The following MRM2 variants were observed in gnomAD, a reference collection of about 807,000 sequenced individuals.
MRM2 encodes the protein mitochondrial rRNA methyltransferase 2.
In MRM2, 15 loss-of-function variants were observed where a neutral mutation model predicts 10.9. That is an observed-to-expected ratio of 1.37 (90% confidence interval 0.92 to 2.11). The LOEUF is 2.11. Ranked by LOEUF, MRM2 falls within the 30% of genes most tolerant of loss-of-function variation. The probability of loss-of-function intolerance (pLI) is 0.00; values close to 1 mark genes in which losing one functional copy is unlikely to be tolerated. For missense variants in MRM2, 328 were observed against 321.3 expected (o/e 1.02, Z -0.16); for synonymous variants, 139 against 128.7 (o/e 1.08, Z -0.54).
chr7:2,236,557 C>T (rs1052484421), intron 2 of MRM2, among the ~76,000 whole-genome samples: 2 of 152,146 alleles, frequency 1.3e-5, no homozygotes, highest in African/African-American at 4.8e-5. Context: ...GTAGTCTCAG[C>T]TACTCAGGAG....
Position 2,239,709 on chromosome 7 carries a change from T to A in MRM2, c.9-2A>T, listed in dbSNP as rs1248565413. On this transcript the variant is annotated splice_acceptor_variant, in intron 1 of 2. Coordinates refer to ENST00000242257, the MANE Select transcript of MRM2 (RefSeq NM_013393.3). LOFTEE classifies it high-confidence loss of function. The stretch of plus-strand genomic sequence containing the variant: ...GAAACACACACCAGCTTCAAGTACC[T>A]GGTGGGAGAGAAGAGGAGCAGGCAG... 1 of 1,609,258 alleles carries A rather than the reference T, an allele frequency of 6.2e-7. No homozygotes were observed. The highest frequency in any genetic ancestry group is 1.3e-5 in the African/African-American group (1 of 74,888).
At position 2,235,075 on chromosome 7, in the gene MRM2, A is replaced by G; in HGVS notation, c.*47T>C. 1 of 1,442,714 alleles carries G rather than the reference A, an allele frequency of 6.9e-7. No individual in the cohort carries two copies. The highest frequency in any genetic ancestry group is 9.6e-7 in the Non-Finnish European group (1 of 1,037,138). 89.4% of individuals were successfully genotyped at this position (1,442,714 alleles called of 1,614,324 possible). On this transcript the variant is annotated 3_prime_UTR_variant, in exon 3 of 3. Transcript: ENST00000242257. ...CTTCAGGAGCTCAGGCTACGTTTCT[A>G]GCTTAAAAGGAGCTAATGACCATTA...
intron 2 of MRM2, chr7:2,238,038 G>C (rs144850554): frequency 6.6e-6 from 1 of 152,196 alleles, no homozygotes; most frequent in Non-Finnish European, 1.5e-5. Context: ...CGAGGCAGAT[G>C]TGCAGATCCA....
In MRM2 at chr7:2,234,964, TTAAAAAGAGAGAGA is replaced by T; in HGVS notation, c.*144_*157del. ...ACTTAGTTTTGTCATCTCTTTTTGG[TTAAAAAGAGAGAGA>T]GAGAAAGAGAGAGAGAGACTCCCCA... On this transcript the variant is annotated 3_prime_UTR_variant, in exon 3 of 3. Coordinates refer to ENST00000242257, the MANE Select transcript of MRM2 (RefSeq NM_013393.3). The T allele has an allele frequency of 1.6e-6, 1 of 618,178 alleles. No homozygotes were observed. Among genetic ancestry groups the T allele is most frequent in the South Asian group, 2.0e-5 (1 of 49,006 alleles). 38.3% of individuals were successfully genotyped at this position (618,178 alleles called of 1,614,324 possible). A position where few individuals can be genotyped will look rare whatever the true frequency, so the allele number is the denominator to read the frequency against.
chr7:2,241,924 C>T (rs1584630397), intron 1 of MRM2: 2 of 466,910 alleles, frequency 4.3e-6, no homozygotes, highest in East Asian at 7.3e-5. Context: ...ACCTGGACTC[C>T]GCCGCCGGCC....
chr7:2,235,603 C>G (rs1319211515), intron 2 of MRM2, 39 bp from the exon 3 acceptor site: 1 of 1,394,224 alleles, frequency 7.2e-7, no homozygotes, highest in Non-Finnish European at 9.9e-7. Flanking sequence ...TATTTACACC[C>G]TGAATCTTTT....
chr7:2,240,623 C>T (rs114068312), intron 1 of MRM2, among the ~76,000 whole-genome samples: 1 of 152,256 alleles, frequency 6.6e-6, no homozygotes, highest in African/African-American at 2.4e-5. Context: ...ATTCACAGCC[C>T]ACAATAGCTA....
chr7:2,240,486 G>A (rs867801581), intron 1 of MRM2, among the ~76,000 whole-genome samples: 5 of 151,424 alleles, frequency 3.3e-5, no homozygotes, highest in South Asian at 2.1e-4. Context: ...ACGCAGATTC[G>A]AACTCCTGGG....
intron 2 of MRM2, among the ~76,000 whole-genome samples, chr7:2,236,926 T>A (rs769496053): frequency 3.3e-5 from 5 of 152,206 alleles, no homozygotes; most frequent in Non-Finnish European, 7.3e-5. Flanking sequence ...AGATCAGTTA[T>A]AGGCAACAAG....
At chr7:2,236,948 G>A (rs544009049) in intron 2 of MRM2, among the ~76,000 whole-genome samples, 8 of 152,288 alleles carry the variant, frequency 5.3e-5, no homozygotes, top group South Asian at 2.1e-4. Flanking sequence ...CTTGTTTTAC[G>A]TAAGGTGACA....
intron 2 of MRM2, chr7:2,238,390 G>C (rs1794455976): frequency 6.6e-6 from 1 of 152,232 alleles, no homozygotes; most frequent in South Asian, 2.1e-4. Context: ...AGTGTCTTCA[G>C]TTGCATGGGC....
chr7:2,237,141 G>A (rs1266654904), intron 2 of MRM2, among the ~76,000 whole-genome samples: 4 of 152,170 alleles, frequency 2.6e-5, no homozygotes, highest in Non-Finnish European at 4.4e-5. Context: ...CAAGGAGCTA[G>A]GACCACAGGA....
chr7:2,239,007 AT>A (rs1562401668), intron 2 of MRM2: 8,697 of 78,720 alleles, frequency 0.11, 836 homozygotes, highest in African/African-American at 0.13. Context: ...ATATATATAT[AT>A]ATATATATAT....
At chr7:2,240,469 C>T (rs1337895526) in intron 1 of MRM2, among the ~76,000 whole-genome samples, 1 of 146,368 alleles carries the variant, frequency 6.8e-6, no homozygotes, top group Non-Finnish European at 1.5e-5. Context: ...GGTGAGGTCA[C>T]GGTTCAACGC....
chr7:2,241,638 A>C (rs1214282272), intron 1 of MRM2, among the ~76,000 whole-genome samples: 1 of 152,142 alleles, frequency 6.6e-6, no homozygotes, highest in Non-Finnish European at 1.5e-5. Flanking sequence ...AAATAAATAA[A>C]AGTTACCACC....
chr7:2,239,604 G>T lies in MRM2; in HGVS notation c.112C>A (p.His38Asn), dbSNP rs746029844. 2 of 1,614,114 alleles carry T rather than the reference G, an allele frequency of 1.2e-6. No homozygotes were observed. The highest frequency in any genetic ancestry group is 1.7e-6 in the Non-Finnish European group (2 of 1,180,024). ...TGAEHLWLTR[H>N]LRDPFVKAAK... ...GCCTTCACAAATGGGTCCCTGAGAT[G>T]TCGGGTCAGCCACAGGTGCTCAGCG... Residue 38 changes from histidine (H) to asparagine (N), a missense_variant, in exon 2 of 3, where the codon CAT becomes AAT. Transcript: ENST00000242257.
rs111238029 is a variant in MRM2, at chr7:2,234,914, C to CT, written c.*207dup. ...TCTTCCCAAATCACAATATAGCGGA[C>CT]TTTTTCATTTTCCATGGCCCCTGAA... On this transcript the variant is annotated 3_prime_UTR_variant, in exon 3 of 3. Transcript: ENST00000242257. 7.8e-3 allele frequency: 4,520 copies of CT among 576,058 alleles called. 165 individuals carry two copies. The highest frequency in any genetic ancestry group is 0.075 in the African/African-American group (4,017 of 53,508). 35.7% of individuals were successfully genotyped at this position (576,058 alleles called of 1,614,324 possible).
chr7:2,238,153 A>G (rs1794451975), intron 2 of MRM2: 1 of 152,224 alleles, frequency 6.6e-6, no homozygotes, highest in Admixed American at 6.5e-5. Context: ...GGTATTTGGG[A>G]GAGACTTGGG....
chr7:2,238,541 T>C (rs1794458267), intron 2 of MRM2: 1 of 152,204 alleles, frequency 6.6e-6, no homozygotes, highest in Non-Finnish European at 1.5e-5. Flanking sequence ...AAGCCTCTTC[T>C]AGGTTCCGGA....
Sources: gnomAD v4.1 joint callset for allele counts (sites outside exome capture counted in the v4.1 genomes callset) on GRCh38, gnomAD v4.1.1 for gene constraint, MANE v1.5 for transcripts, NCBI Gene and HGNC (gene_info 2026-07-23, HGNC 2026-07-21) for gene names.